The following NLGN1 variants were observed in gnomAD, a reference collection of about 807,000 sequenced individuals.
NLGN1 encodes the protein neuroligin 1.
A neutral mutation model predicts 65.5 loss-of-function variants in NLGN1; 12 were observed. That is an observed-to-expected ratio of 0.18 (90% CI 0.12 to 0.30). The LOEUF is 0.30. NLGN1 is among the 10% of genes least tolerant of loss of function. The pLI, the probability that NLGN1 is intolerant of heterozygous loss-of-function variation, is 1.00. For missense variants in NLGN1, 750 were observed against 1,007.1 expected (o/e 0.74, Z 3.46); for synonymous variants, 350 against 359.5 (o/e 0.97, Z 0.30).
intron 2 of NLGN1, among the ~76,000 whole-genome samples, chr3:173,446,975 G>C (rs143474052): frequency 0.19 from 28,497 of 152,126 alleles, 2,953 homozygotes; most frequent in African/African-American, 0.27. Flanking sequence ...CCCTTTGTCA[G>C]ATGAGTAGGT....
chr3:173,420,732 A>T (rs143386686), intron 1 of NLGN1, among the ~76,000 whole-genome samples: 2,563 of 152,230 alleles, frequency 0.017, 71 homozygotes, highest in African/African-American at 0.058. Flanking sequence ...GTGGCCCAAG[A>T]CAATTCTTCT....
At chr3:173,711,080 A>G (rs1768878451) in intron 3 of NLGN1, among the ~76,000 whole-genome samples, 1 of 152,224 alleles carries the variant, frequency 6.6e-6, no homozygotes. Flanking sequence ...GAAGATCCAT[A>G]ATTGGTCATA....
At chr3:173,860,226 A>T (rs1005699653) in intron 4 of NLGN1, among the ~76,000 whole-genome samples, 1 of 151,972 alleles carries the variant, frequency 6.6e-6, no homozygotes, top group Non-Finnish European at 1.5e-5. Flanking sequence ...ACTGTTTTAC[A>T]TGTGTCCCAA....
chr3:173,780,937 C>T (rs1044767075), intron 3 of NLGN1, among the ~76,000 whole-genome samples: 5 of 151,812 alleles, frequency 3.3e-5, no homozygotes, highest in South Asian at 2.1e-4. Context: ...GTCAGGAGAT[C>T]GAGACCATCA....
intron 2 of NLGN1, among the ~76,000 whole-genome samples, chr3:173,531,038 C>T (rs1306244131): frequency 1.3e-5 from 2 of 151,976 alleles, no homozygotes; most frequent in African/African-American, 2.4e-5. Context: ...AGTGTTTGAC[C>T]TACTCTGCTC....
intron 4 of NLGN1, among the ~76,000 whole-genome samples, chr3:174,154,397 T>C (rs1343902301): frequency 6.6e-6 from 1 of 152,088 alleles, no homozygotes; most frequent in Non-Finnish European, 1.5e-5. Flanking sequence ...CTCCCTGTTC[T>C]CAAATAAATT....
intron 4 of NLGN1, among the ~76,000 whole-genome samples, chr3:174,208,001 C>A (rs1002674418): frequency 6.6e-6 from 1 of 152,158 alleles, no homozygotes; most frequent in Non-Finnish European, 1.5e-5. Flanking sequence ...AACCCCTTGA[C>A]ACATTATAAA....
rs191846590 is a variant in NLGN1, at chr3:174,157,055, A to G, written c.647-118260A>G. Among the ~76,000 whole-genome samples the G allele has an allele frequency of 4.0e-5, 6 of 151,112 alleles. No homozygotes were observed. The Admixed American group carries it at 4.0e-4, about 10-fold the overall frequency. On this transcript the variant is annotated intron_variant, in intron 4 of 6. Coordinates refer to ENST00000457714, the Ensembl canonical transcript of NLGN1. ...TATATATTCCTTAAATGAAATGTAA[A>G]AGGCCTGTATTTTAATTACATATTA...
chr3:173,786,394 G>A (rs1201708830), intron 3 of NLGN1, among the ~76,000 whole-genome samples: 1 of 151,912 alleles, frequency 6.6e-6, no homozygotes, highest in Non-Finnish European at 1.5e-5. Flanking sequence ...CTGCTCTTCT[G>A]ATTAACAAGA....
At chr3:173,453,777 A>G (rs1477342664) in intron 2 of NLGN1, among the ~76,000 whole-genome samples, 1 of 152,150 alleles carries the variant, frequency 6.6e-6, no homozygotes, top group African/African-American at 2.4e-5. Flanking sequence ...TCCACTGAAG[A>G]CTTGACCTCT....
intron 2 of NLGN1, among the ~76,000 whole-genome samples, chr3:173,478,259 G>A (rs1198343438): frequency 1.3e-5 from 2 of 152,112 alleles, no homozygotes; most frequent in African/African-American, 4.8e-5. Flanking sequence ...GCAGAGACAT[G>A]GTTGGATCTG....
chr3:173,944,126 TGTGTG>T (rs1560693283), intron 4 of NLGN1, among the ~76,000 whole-genome samples: 50 of 124,470 alleles, frequency 4.0e-4, no homozygotes, highest in African/African-American at 6.6e-4. Flanking sequence ...ATATTATGGG[TGTGTG>T]TGTGTGTGTG....
chr3:174,112,361 G>A (rs1715425942), intron 4 of NLGN1, among the ~76,000 whole-genome samples: 1 of 151,798 alleles, frequency 6.6e-6, no homozygotes, highest in Non-Finnish European at 1.5e-5. Flanking sequence ...CTTTCTCAAT[G>A]CATCAGACTG....
intron 2 of NLGN1, among the ~76,000 whole-genome samples, chr3:173,592,546 C>T (rs1748709435): frequency 6.6e-6 from 1 of 152,096 alleles, no homozygotes; most frequent in African/African-American, 2.4e-5. Flanking sequence ...CATTTGTTTC[C>T]ACCTCTTCTA....
chr3:174,274,389 A>C (rs988510370), intron 4 of NLGN1, among the ~76,000 whole-genome samples: 1 of 151,874 alleles, frequency 6.6e-6, no homozygotes, highest in South Asian at 2.1e-4. Flanking sequence ...TCTCCCTTCT[A>C]CAACTTTCAT....
intron 4 of NLGN1, among the ~76,000 whole-genome samples, chr3:174,008,277 C>G (rs893265235): frequency 6.6e-6 from 1 of 152,072 alleles, no homozygotes; most frequent in African/African-American, 2.4e-5. Flanking sequence ...CACTACTGCT[C>G]ACATCCCACT....
chr3:173,399,382 A>G (rs1298496675), intron 1 of NLGN1, among the ~76,000 whole-genome samples: 1 of 152,130 alleles, frequency 6.6e-6, no homozygotes, highest in Non-Finnish European at 1.5e-5. Flanking sequence ...CGTCCTTCCC[A>G]TTGTCTCCCT....
intron 3 of NLGN1, among the ~76,000 whole-genome samples, chr3:173,655,838 G>C (rs1337154502): frequency 6.6e-6 from 1 of 152,014 alleles, no homozygotes; most frequent in East Asian, 1.9e-4. Context: ...TATGTTACCA[G>C]TGGATGGTGT....
At chr3:173,976,007 A>C (rs1404690713) in intron 4 of NLGN1, among the ~76,000 whole-genome samples, 1 of 152,046 alleles carries the variant, frequency 6.6e-6, no homozygotes, top group Non-Finnish European at 1.5e-5. Flanking sequence ...TTTATCTACT[A>C]TACAAAGTGG....
Sources: gnomAD v4.1 joint callset for allele counts (sites outside exome capture counted in the v4.1 genomes callset) on GRCh38, gnomAD v4.1.1 for gene constraint, MANE v1.5 for transcripts, NCBI Gene and HGNC (gene_info 2026-07-23, HGNC 2026-07-21) for gene names.